C5orf22: variants seen among roughly 807,000 people sequenced by gnomAD.
The protein encoded by C5orf22 is UPF0489 protein C5orf22.
Under a neutral mutation model 48.7 loss-of-function variants are expected in C5orf22, and 36 were observed. The observed-to-expected ratio is 0.74, with a 90% CI of 0.57 to 0.98. C5orf22 has a LOEUF of 0.98. C5orf22 is among the 50% of genes least tolerant of loss of function. C5orf22 has a pLI of 0.00. For missense variants in C5orf22, 486 were observed against 521.9 expected, an observed-to-expected ratio of 0.93 and a Z score of 0.67; for synonymous variants, 141 against 180.8, an observed-to-expected ratio of 0.78 and a Z score of 1.76.
At chr5:31,539,711 A>G (rs1742332936) in intron 4 of C5orf22, among the ~76,000 whole-genome samples, 3 of 152,192 alleles carry the variant, frequency 2.0e-5, no homozygotes, top group South Asian at 4.1e-4. Flanking sequence ...TTTAAATATC[A>G]TTAGGAAAGA....
At chr5:31,545,580 A>G in intron 6 of C5orf22, 66 bp from the exon 7 acceptor site, 2 of 1,062,438 alleles carry the variant, frequency 1.9e-6, no homozygotes, top group South Asian at 2.6e-5. Flanking sequence ...ATAATGTATA[A>G]TTTGCTATTA....
At chr5:31,545,752 A>T (rs1334510711) in intron 7 of C5orf22, 40 bp downstream of exon 7, 4 of 1,348,914 alleles carry the variant, frequency 3.0e-6, no homozygotes, top group Non-Finnish European at 4.2e-6. Flanking sequence ...GACCCTTTGT[A>T]AAGACAATTT....
intron 1 of C5orf22, among the ~76,000 whole-genome samples, chr5:31,532,773 GTGTTCTT>G (rs1741663319): frequency 6.6e-6 from 1 of 152,012 alleles, no homozygotes; most frequent in Non-Finnish European, 1.5e-5. Context: ...GCAGAGCCCT[GTGTTCTT>G]AACCTGCAGT....
At position 31,538,380 on chromosome 5, in the gene C5orf22, C is replaced by G; in HGVS notation, c.498C>G (p.Asn166Lys). The change falls in exon 4 of 9, where the codon AAC (asparagine) becomes AAG (lysine). Residue 166 changes from asparagine to lysine, a missense_variant. Coordinates refer to ENST00000325366, the MANE Select transcript of C5orf22 (RefSeq NM_018356.3). ...TGGTAAAACCTTATAAACTCTGTAACAATCAAGAAGAAAACGATGCAGTGT... is the reference window on the plus strand; with the variant it reads ...TGGTAAAACCTTATAAACTCTGTAAGAATCAAGAAGAAAACGATGCAGTGT... ...VIMVKPYKLC[N>K]NQEENDAVSS... The G allele has an allele frequency of 6.2e-7, 1 of 1,614,106 alleles. No homozygotes were observed. The highest frequency in any genetic ancestry group is 8.5e-7 in the Non-Finnish European group (1 of 1,180,006).
At chr5:31,544,354 C>T (rs1055600850) in intron 6 of C5orf22, among the ~76,000 whole-genome samples, 15 of 152,092 alleles carry the variant, frequency 9.9e-5, no homozygotes, top group Non-Finnish European at 1.8e-4. Context: ...GAGGCCAAGG[C>T]GGGCGGATCA....
At chr5:31,548,493 C>G (rs931659916) in intron 7 of C5orf22, 18 of 435,576 alleles carry the variant, frequency 4.1e-5, no homozygotes, top group Non-Finnish European at 7.3e-5. Context: ...GTTCCAGTTC[C>G]CAGCAAGTTC....
chr5:31,547,203 T>C (rs191168011), intron 7 of C5orf22, among the ~76,000 whole-genome samples: 1 of 152,382 alleles, frequency 6.6e-6, no homozygotes, highest in East Asian at 1.9e-4. Context: ...TGACTCCATG[T>C]CTCACATCCA....
intron 6 of C5orf22, 114 bp downstream of exon 6, chr5:31,541,516 C>A: frequency 8.7e-7 from 1 of 1,151,332 alleles, no homozygotes; most frequent in Non-Finnish European, 1.2e-6. Context: ...CTACTTGGGA[C>A]ACTGAGGCAG....
At chr5:31,545,486 T>C (rs1742826957) in intron 6 of C5orf22, among the ~76,000 whole-genome samples, 160 bp from the exon 7 acceptor site, 1 of 152,268 alleles carries the variant, frequency 6.6e-6, no homozygotes, top group East Asian at 1.9e-4. Flanking sequence ...AACATTTATT[T>C]CTTAATATTT....
rs751239335 is a variant in C5orf22 at position 31,545,701 on chromosome 5, G to C, written c.1048G>C (p.Asp350His). ...TTTGAAAAAACGGATGGAAGTACCA[G>C]ACTATGAAATGGTAAATATTTTATA... ...QSLKKRMEVP[D>H]YEMVHQAGLT... is the part of the protein sequence containing the mutation. The change falls in exon 7 of 9, where the codon GAC (aspartate) becomes CAC (histidine). Residue 350 changes from aspartate (D) to histidine (H), a missense_variant. Asp to His is a moderately conservative substitution (Grantham distance 81). Transcript: ENST00000325366. The C allele has an allele frequency of 1.3e-6, 2 of 1,598,358 alleles. No individual in the cohort carries two copies. The highest frequency in any genetic ancestry group is 1.3e-5 in the African/African-American group (1 of 74,532).
intron 7 of C5orf22, among the ~76,000 whole-genome samples, chr5:31,549,231 A>G (rs1251443649): frequency 1.3e-5 from 2 of 152,086 alleles, no homozygotes; most frequent in African/African-American, 2.4e-5. Flanking sequence ...AAAAAAGTAA[A>G]TAAATAAAAC....
chr5:31,549,786 G>T (rs1743132449), intron 7 of C5orf22, among the ~76,000 whole-genome samples: 1 of 152,042 alleles, frequency 6.6e-6, no homozygotes, highest in South Asian at 2.1e-4. Context: ...TGAGGCAGGA[G>T]GATTGCTTGA....
Position 31,538,372 on chromosome 5 carries a change from C to T in C5orf22, c.490C>T (p.Leu164Phe), listed in dbSNP as rs1415983578. The change falls in exon 4 of 9, where the codon CTC (leucine) becomes TTC (phenylalanine). Residue 164 changes from leucine to phenylalanine, a missense_variant. By Grantham distance (22) the Leu-to-Phe change is conservative. Transcript: ENST00000325366. ...TGTAATTATGGTAAAACCTTATAAACTCTGTAACAATCAAGAAGAAAACGA... is the reference window on the plus strand; with the variant it reads ...TGTAATTATGGTAAAACCTTATAAATTCTGTAACAATCAAGAAGAAAACGA... Reference protein sequence around the residue: ...LDVIMVKPYKLCNNQEENDAV... With the variant: ...LDVIMVKPYKFCNNQEENDAV... 5.6e-6 allele frequency: 9 copies of T among 1,613,974 alleles called. No homozygotes were observed. In the Admixed American group the frequency reaches 6.7e-5, roughly 12 times the overall value.
chr5:31,534,267 T>C lies in C5orf22; in HGVS notation c.82-5T>C, dbSNP rs1329279046. ...ATTCTTATTGTGTGCCTGTGTCTTT[T>C]ACAGGTTCTACCCTTTATATACCGG... On this transcript the variant is annotated splice_region_variant and splice_polypyrimidine_tract_variant and intron_variant, in intron 1 of 8. Coordinates refer to ENST00000325366, the MANE Select transcript of C5orf22 (RefSeq NM_018356.3). 1 of 1,606,222 alleles carries C rather than the reference T, an allele frequency of 6.2e-7. No individual in the cohort carries two copies. Among genetic ancestry groups the C allele is most frequent in the Non-Finnish European group, 8.5e-7 (1 of 1,177,606 alleles).
At chr5:31,536,117 A>T (rs1427929004) in intron 3 of C5orf22, among the ~76,000 whole-genome samples, 2 of 152,206 alleles carry the variant, frequency 1.3e-5, no homozygotes. Flanking sequence ...GAATGTGATC[A>T]TTATCCTCCG....
chr5:31,541,163 A>ATGGTTAG lies in C5orf22; in HGVS notation c.871-116_871-110dup, dbSNP rs1384207422. The ATGGTTAG allele has an allele frequency of 5.3e-6, 6 of 1,123,692 alleles. No homozygotes were observed. In the Admixed American group the frequency reaches 1.1e-4, roughly 21 times the overall value. 69.6% of individuals were successfully genotyped at this position (1,123,692 alleles called of 1,614,324 possible). A position where few individuals can be genotyped will look rare whatever the true frequency, so the allele number is the denominator to read the frequency against. ...GTGTGTGTGTGTATTGGCGAAGCCC[A>ATGGTTAG]TGGTTAGTACTTGAAAATTATGTTT... On this transcript the variant is annotated intron_variant, in intron 5 of 8. Transcript: ENST00000325366.
At position 31,541,295 on chromosome 5, in the gene C5orf22, T is replaced by C. The variant is rs1742448644; in HGVS notation, c.885T>C (p.Asp295=). Residue 295 remains aspartate (D), a synonymous_variant, in exon 6 of 9, where the codon GAT becomes GAC. Transcript: ENST00000325366. ...TGTATTTAAAGGAAGATTTGGTAGATATTGTTGATACTCGAATTCATCAAT... is the reference window on the plus strand; with the variant it reads ...TGTATTTAAAGGAAGATTTGGTAGACATTGTTGATACTCGAATTCATCAAT... ...GTNLTEEDLV[D]IVDTRIHQLE... 6.2e-7 allele frequency: 1 copy of C among 1,610,742 alleles called. No homozygotes were observed. Among genetic ancestry groups the C allele is most frequent in the Non-Finnish European group, 8.5e-7 (1 of 1,176,884 alleles).
intron 2 of C5orf22, 26 bp downstream of exon 2, chr5:31,534,443 T>C: frequency 6.3e-7 from 1 of 1,586,374 alleles, no homozygotes; most frequent in Non-Finnish European, 8.6e-7. Context: ...ATTTATGGTC[T>C]TTTGTGTTTG....
intron 6 of C5orf22, among the ~76,000 whole-genome samples, chr5:31,544,532 C>T (rs1006945968): frequency 6.0e-5 from 9 of 150,966 alleles, no homozygotes; most frequent in Non-Finnish European, 1.2e-4. Flanking sequence ...TGCAGTGAGC[C>T]GAGATCGTGC....
Sources: gnomAD v4.1 joint callset for allele counts (sites outside exome capture counted in the v4.1 genomes callset) on GRCh38, gnomAD v4.1.1 for gene constraint, MANE v1.5 for transcripts, NCBI Gene and HGNC (gene_info 2026-07-23, HGNC 2026-07-21) for gene names.